Variants in TRDN observed in about 807,000 individuals in gnomAD.
TRDN encodes triadin in skeletal muscle.
In TRDN, 161 loss-of-function variants were observed where a neutral mutation model predicts 149.7. The observed-to-expected ratio is 1.08, with a 90% CI of 0.95 to 1.23. The LOEUF (loss-of-function observed/expected upper bound fraction) is 1.23, where lower values mean the gene tolerates loss of function less well. Among genes scored for constraint, TRDN ranks in the 50% most tolerant of loss-of-function variants. The probability of loss-of-function intolerance (pLI) is 0.00; values close to 1 mark genes in which losing one functional copy is unlikely to be tolerated. For missense variants in TRDN, 896 were observed against 823.5 expected (o/e 1.09, Z -1.08); for synonymous variants, 294 against 250.5 (o/e 1.17, Z -1.64).
At chr6:123,611,327 G>C (rs911940117) in intron 1 of TRDN, among the ~76,000 whole-genome samples, 1 of 152,100 alleles carries the variant, frequency 6.6e-6, no homozygotes, top group African/African-American at 2.4e-5. Context: ...CACAAGATAT[G>C]AGAGGGCAAA....
intron 1 of TRDN, among the ~76,000 whole-genome samples, chr6:123,584,175 G>A (rs1446529341): frequency 6.6e-6 from 1 of 152,096 alleles, no homozygotes; most frequent in East Asian, 1.9e-4. Flanking sequence ...GTGGGAGGCT[G>A]GATTGAAGTC....
chr6:123,291,764 T>C (rs1302704641), intron 24 of TRDN, among the ~76,000 whole-genome samples: 1 of 152,220 alleles, frequency 6.6e-6, no homozygotes, highest in Non-Finnish European at 1.5e-5. Context: ...TCAAATTTTC[T>C]AAAGGTATTA....
intron 2 of TRDN, among the ~76,000 whole-genome samples, chr6:123,555,786 A>C (rs1485232871): frequency 1.3e-5 from 2 of 152,180 alleles, no homozygotes; most frequent in Non-Finnish European, 1.5e-5. Context: ...ATTGGGGAAG[A>C]ACTGACTAAC....
At chr6:123,242,027 C>T (rs1043205127) in intron 38 of TRDN, among the ~76,000 whole-genome samples, 1 of 152,150 alleles carries the variant, frequency 6.6e-6, no homozygotes, top group Non-Finnish European at 1.5e-5. Flanking sequence ...AACAAAATAA[C>T]TATGCACACC....
chr6:123,269,894 C>A (rs1777149072), intron 30 of TRDN, 28 bp from the exon 31 acceptor site: 1 of 1,607,438 alleles, frequency 6.2e-7, no homozygotes, highest in South Asian at 1.1e-5. Flanking sequence ...AAGCACATGG[C>A]ATATTGATGA....
At chr6:123,418,322 T>C (rs566635810) in intron 12 of TRDN, among the ~76,000 whole-genome samples, 93 of 150,928 alleles carry the variant, frequency 6.2e-4, no homozygotes, top group Non-Finnish European at 1.2e-3. Context: ...TGTGTGTGTA[T>C]GTGTGTGTGT....
At chr6:123,339,414 G>T (rs1779989094) in intron 21 of TRDN, among the ~76,000 whole-genome samples, 1 of 152,160 alleles carries the variant, frequency 6.6e-6, no homozygotes, top group Admixed American at 6.6e-5. Flanking sequence ...GATACAAAAT[G>T]TAAAAAGGAG....
chr6:123,391,961 G>A (rs1332292720), intron 13 of TRDN, among the ~76,000 whole-genome samples: 1 of 152,024 alleles, frequency 6.6e-6, no homozygotes, highest in Non-Finnish European at 1.5e-5. Flanking sequence ...ATCTAAGAAA[G>A]ATCTATGGAG....
At chr6:123,566,160 T>G (rs1449873037) in intron 2 of TRDN, among the ~76,000 whole-genome samples, 1 of 152,230 alleles carries the variant, frequency 6.6e-6, no homozygotes, top group East Asian at 1.9e-4. Flanking sequence ...AGAAGTGTGG[T>G]GTAGGTGAAA....
At chr6:123,624,769 T>C (rs1014932285) in intron 1 of TRDN, among the ~76,000 whole-genome samples, 19 of 152,118 alleles carry the variant, frequency 1.2e-4, no homozygotes, top group Admixed American at 6.6e-5. Flanking sequence ...ATGGTCTCTA[T>C]ACATACAAAG....
chr6:123,484,860 T>A (rs1472429785), intron 9 of TRDN, among the ~76,000 whole-genome samples: 1 of 152,226 alleles, frequency 6.6e-6, no homozygotes, highest in African/African-American at 2.4e-5. Context: ...AACACTGTAT[T>A]AAGGGCAAAG....
intron 12 of TRDN, among the ~76,000 whole-genome samples, chr6:123,401,266 A>G (rs1772958751): frequency 2.6e-5 from 4 of 152,214 alleles, no homozygotes; most frequent in African/African-American, 9.7e-5. Flanking sequence ...ACATTGATAA[A>G]TTACCATGAT....
intron 20 of TRDN, among the ~76,000 whole-genome samples, chr6:123,360,926 C>G (rs188992169): frequency 1.8e-4 from 28 of 152,204 alleles, no homozygotes; most frequent in African/African-American, 6.3e-4. Context: ...AACACTACCT[C>G]TGAGATTAAA....
intron 12 of TRDN, among the ~76,000 whole-genome samples, chr6:123,407,338 C>T (rs1773236341): frequency 1.3e-5 from 2 of 152,280 alleles, no homozygotes; most frequent in South Asian, 4.1e-4. Flanking sequence ...CATGCCCTTA[C>T]TTGTCTTGTT....
Position 123,252,136 on chromosome 6 carries a change from C to T in TRDN, c.1975+276G>A, listed in dbSNP as rs546250683. 2.6e-5 allele frequency among the ~76,000 whole-genome samples: 4 copies of T among 152,046 alleles called. No homozygotes were observed. The South Asian group carries it at 8.3e-4, about 32-fold the overall frequency. ...ATTTTATTTCACTTGAATTTAATCA[C>T]TGAAAACATTTATTTATTTAAATGC... On this transcript the variant is annotated intron_variant, in intron 38 of 40. Coordinates refer to ENST00000334268, the MANE Select transcript of TRDN (RefSeq NM_006073.4).
intron 9 of TRDN, among the ~76,000 whole-genome samples, chr6:123,488,483 T>G (rs1333505356): frequency 6.6e-6 from 1 of 152,130 alleles, no homozygotes; most frequent in Non-Finnish European, 1.5e-5. Context: ...TCTTAAGGTA[T>G]CCTTTTAGTT....
chr6:123,241,351 C>T (rs372711450), intron 38 of TRDN, among the ~76,000 whole-genome samples: 15 of 151,060 alleles, frequency 9.9e-5, no homozygotes, highest in East Asian at 3.9e-4. Context: ...TCTTTTCAGA[C>T]GTAAGATACA....
intron 24 of TRDN, among the ~76,000 whole-genome samples, chr6:123,311,491 C>T (rs919547145): frequency 6.6e-6 from 1 of 151,926 alleles, no homozygotes; most frequent in Admixed American, 6.6e-5. Flanking sequence ...AAACGGTTGA[C>T]TTTTAACATT....
intron 13 of TRDN, among the ~76,000 whole-genome samples, chr6:123,389,254 A>G (rs1782018739): frequency 6.6e-6 from 1 of 152,128 alleles, no homozygotes; most frequent in Admixed American, 6.6e-5. Context: ...GCTCCAAGCA[A>G]TATGACCCCT....
Sources: allele counts gnomAD v4.1 joint callset (sites outside exome capture counted in the v4.1 genomes callset), GRCh38; gene constraint gnomAD v4.1.1; transcripts MANE v1.5; gene names NCBI Gene and HGNC (gene_info 2026-07-23, HGNC 2026-07-21).